FAF1: variants seen among roughly 807,000 people sequenced by gnomAD.
FAF1 encodes Fas associated factor 1.
In FAF1, 25 loss-of-function variants were observed where a neutral mutation model predicts 92.5. The ratio of observed to expected loss-of-function variants is 0.27; its 90% CI spans 0.20 to 0.38. FAF1 has a LOEUF of 0.38. Ranked by LOEUF, FAF1 falls within the 10% of genes least tolerant of loss-of-function variation. The probability of loss-of-function intolerance (pLI) is 1.00; values close to 1 mark genes in which losing one functional copy is unlikely to be tolerated. For synonymous variants in FAF1, 234 were observed against 273.2 expected (o/e 0.86, Z 1.42); for missense variants, 636 against 793.3 (o/e 0.80, Z 2.38).
At chr1:50,921,232 C>A (rs1045508905) in intron 1 of FAF1, among the ~76,000 whole-genome samples, 1 of 152,202 alleles carries the variant, frequency 6.6e-6, no homozygotes, top group Non-Finnish European at 1.5e-5. Flanking sequence ...GACCGACCTG[C>A]CCCACCTGCA....
At chr1:50,592,916 C>T (rs1479144502) in intron 9 of FAF1, among the ~76,000 whole-genome samples, 1 of 139,146 alleles carries the variant, frequency 7.2e-6, no homozygotes, top group Non-Finnish European at 1.5e-5. Context: ...TCAGCCTGGG[C>T]AACAGAGCAA....
At chr1:50,490,442 AGG>A (rs753793825) in intron 17 of FAF1, 144 bp downstream of exon 17, 61,823 of 501,104 alleles carry the variant, frequency 0.12, 6,966 homozygotes, top group Middle Eastern at 0.19. Context: ...GAAGGAAGGA[AGG>A]AAGGAAGGAA....
intron 7 of FAF1, among the ~76,000 whole-genome samples, chr1:50,688,611 G>A (rs934736527): frequency 1.3e-5 from 2 of 152,104 alleles, no homozygotes; most frequent in Admixed American, 6.6e-5. Context: ...GCGGAAGTTC[G>A]AGACCAACCT....
chr1:50,550,057 T>C (rs1649231957), intron 13 of FAF1, among the ~76,000 whole-genome samples: 1 of 151,856 alleles, frequency 6.6e-6, no homozygotes, highest in South Asian at 2.1e-4. Flanking sequence ...GATATAAAAA[T>C]GTGGGAGTGC....
intron 1 of FAF1, among the ~76,000 whole-genome samples, chr1:50,896,904 G>A (rs946119476): frequency 1.3e-5 from 2 of 151,834 alleles, no homozygotes; most frequent in African/African-American, 2.4e-5. Context: ...AATACCACTG[G>A]ATCTGTATAT....
rs984740136 is a variant in FAF1, at chr1:50,663,489, G to A, written c.658-7961C>T. Among the ~76,000 whole-genome samples the A allele has an allele frequency of 1.5e-4, 22 of 143,504 alleles. 1 individual carries two copies. Among genetic ancestry groups the A allele is most frequent in the South Asian group, 4.3e-4 (2 of 4,634 alleles). 94.1% of individuals were successfully genotyped at this position (143,504 alleles called of 152,430 possible). On this transcript the variant is annotated intron_variant, in intron 7 of 18. Coordinates refer to ENST00000396153, the MANE Select transcript of FAF1 (RefSeq NM_007051.3). ...ACAATCTCAGCTCACTGCAACCTCC[G>A]CCTCCCAGGTTCAAGCGATTCTTCT...
At chr1:50,637,681 A>ATGTG (rs142201244) in intron 8 of FAF1, among the ~76,000 whole-genome samples, 2,060 of 137,116 alleles carry the variant, frequency 0.015, 24 homozygotes, top group South Asian at 0.031. Context: ...ACATATATAT[A>ATGTG]TGTGTGTGTG....
At chr1:50,956,843 T>C (rs1227294861) in intron 1 of FAF1, among the ~76,000 whole-genome samples, 2 of 151,976 alleles carry the variant, frequency 1.3e-5, no homozygotes, top group African/African-American at 4.8e-5. Flanking sequence ...AGCTACTCAG[T>C]AGGCTGAGGC....
intron 2 of FAF1, among the ~76,000 whole-genome samples, chr1:50,856,876 A>G (rs1644394142): frequency 6.6e-6 from 1 of 151,838 alleles, no homozygotes; most frequent in Non-Finnish European, 1.5e-5. Flanking sequence ...AAACATTAAA[A>G]AGAATGATGA....
Position 50,539,580 on chromosome 1 carries a change from C to T in FAF1, c.1405+12G>A, listed in dbSNP as rs553559474. 6.2e-7 allele frequency: 1 copy of T among 1,606,458 alleles called. No homozygotes were observed. Among genetic ancestry groups the T allele is most frequent in the Admixed American group, 1.7e-5 (1 of 59,532 alleles). Reference sequence around the variant, plus strand: ...CAGGAAGGCTTTACTCTCCTTGTGACATGTACTTTACCTTGTATCACATTC... The same window carrying T: ...CAGGAAGGCTTTACTCTCCTTGTGATATGTACTTTACCTTGTATCACATTC... On this transcript the variant is annotated intron_variant, in intron 14 of 18. Coordinates refer to ENST00000396153, the MANE Select transcript of FAF1 (RefSeq NM_007051.3).
chr1:50,864,720 C>T (rs1454544214), intron 1 of FAF1, among the ~76,000 whole-genome samples: 2 of 152,110 alleles, frequency 1.3e-5, no homozygotes, highest in Admixed American at 6.6e-5. Flanking sequence ...AACGTTAGAT[C>T]TAAAACCATA....
chr1:50,554,085 TG>T (rs1649436783), intron 13 of FAF1, among the ~76,000 whole-genome samples: 1 of 151,196 alleles, frequency 6.6e-6, no homozygotes, highest in African/African-American at 2.4e-5. Context: ...ATTTGTTCCT[TG>T]AACAAAAGGT....
intron 7 of FAF1, among the ~76,000 whole-genome samples, chr1:50,657,809 C>G (rs1233448082): frequency 6.6e-6 from 1 of 152,194 alleles, no homozygotes; most frequent in African/African-American, 2.4e-5. Context: ...ATTTTTATCT[C>G]TAATTCACAC....
chr1:50,950,231 CAA>C (rs1330656059), intron 1 of FAF1, among the ~76,000 whole-genome samples: 1 of 152,102 alleles, frequency 6.6e-6, no homozygotes, highest in African/African-American at 2.4e-5. Flanking sequence ...TAAAACAAAA[CAA>C]AAAGACAACA....
chr1:50,491,837 A>T (rs1149790), intron 15 of FAF1, 36 bp from the exon 16 acceptor site: 1,350,222 of 1,499,500 alleles, frequency 0.9, 609,165 homozygotes, highest in East Asian at 1. Context: ...TTTGACATAT[A>T]ACTTTTTTTT....
chr1:50,936,405 G>A (rs1645085446), intron 1 of FAF1, among the ~76,000 whole-genome samples: 1 of 152,130 alleles, frequency 6.6e-6, no homozygotes, highest in Non-Finnish European at 1.5e-5. Context: ...AGACTTCACA[G>A]GAGATAATAA....
chr1:50,716,860 C>T (rs537896265), intron 6 of FAF1, among the ~76,000 whole-genome samples: 3 of 152,302 alleles, frequency 2.0e-5, no homozygotes, highest in African/African-American at 4.8e-5. Flanking sequence ...GCGACCCACT[C>T]GGGTCCCCTT....
chr1:50,771,896 C>T (rs1281580764), intron 4 of FAF1, among the ~76,000 whole-genome samples: 2 of 151,942 alleles, frequency 1.3e-5, no homozygotes, highest in African/African-American at 2.4e-5. Flanking sequence ...AGTGAAACTC[C>T]GTCTCCAAAA....
chr1:50,714,147 T>G (rs2124441157), intron 6 of FAF1, among the ~76,000 whole-genome samples: 1 of 152,134 alleles, frequency 6.6e-6, no homozygotes, highest in East Asian at 1.9e-4. Context: ...ATATATTCAT[T>G]CTCTCTTCAC....
Sources: allele counts gnomAD v4.1 joint callset (sites outside exome capture counted in the v4.1 genomes callset), GRCh38; gene constraint gnomAD v4.1.1; transcripts MANE v1.5; gene names NCBI Gene and HGNC (gene_info 2026-07-23, HGNC 2026-07-21).